DYNC2I2: variants seen among roughly 807,000 people sequenced by gnomAD.
DYNC2I2 encodes dynein 2 intermediate chain 2, also known as cytoplasmic dynein 2 intermediate chain 2.
A neutral mutation model predicts 52.0 loss-of-function variants in DYNC2I2; 39 were observed. That is an observed-to-expected ratio of 0.75 (90% CI 0.58 to 0.98). The LOEUF is 0.98. Ranked by LOEUF, DYNC2I2 falls within the 50% of genes least tolerant of loss-of-function variation. The pLI, the probability that DYNC2I2 is intolerant of heterozygous loss-of-function variation, is 0.00. For synonymous variants in DYNC2I2, 359 were observed against 321.1 expected (o/e 1.12, Z -1.26); for missense variants, 743 against 728.4 (o/e 1.02, Z -0.23).
At chr9:128,683,976 A>C in the DYNC2I2 span, 3 of 1,556,398 alleles carry the variant, frequency 1.9e-6, no homozygotes. Context: ...CGGAGGAGAC[A>C]TCGGCCTCTG....
At chr9:128,659,564 G>A (rs947817022), upstream of DYNC2I2, among the ~76,000 whole-genome samples, 2 of 150,312 alleles carry the variant, frequency 1.3e-5, no homozygotes, top group African/African-American at 2.4e-5. Context: ...CTAAGAGTTC[G>A]AGATCAGCCT....
chr9:128,642,586 C>G (rs1039991203), intron 1 of DYNC2I2, among the ~76,000 whole-genome samples: 1 of 151,414 alleles, frequency 6.6e-6, no homozygotes. Flanking sequence ...CTGGCTAATA[C>G]GGTGAAACCC....
the DYNC2I2 span, chr9:128,663,578 T>A: frequency 6.6e-6 from 1 of 151,946 alleles, no homozygotes; most frequent in Non-Finnish European, 1.5e-5. Context: ...CCTTTTAATC[T>A]GCAAGTAGAT....
upstream of DYNC2I2, among the ~76,000 whole-genome samples, chr9:128,659,661 C>A (rs1316893445): frequency 6.7e-6 from 1 of 150,130 alleles, no homozygotes; most frequent in Non-Finnish European, 1.5e-5. Flanking sequence ...GTAATCCCAG[C>A]ACTTTTGGAG....
At chr9:128,638,515 C>CA (rs34556335) in intron 2 of DYNC2I2, among the ~76,000 whole-genome samples, 5,128 of 135,374 alleles carry the variant, frequency 0.038, 297 homozygotes, top group African/African-American at 0.13. Context: ...GACTCCATCT[C>CA]AAAAAAAAAA....
the DYNC2I2 span, among the ~76,000 whole-genome samples, chr9:128,672,540 C>T: frequency 1.3e-5 from 2 of 151,064 alleles, no homozygotes; most frequent in Admixed American, 1.3e-4. Context: ...ATAATACCAG[C>T]TGTGAGATAA....
At chr9:128,652,565 G>A (rs1435389715) in intron 1 of DYNC2I2, among the ~76,000 whole-genome samples, 1 of 150,162 alleles carries the variant, frequency 6.7e-6, no homozygotes, top group Non-Finnish European at 1.5e-5. Flanking sequence ...GTAGGTTGCA[G>A]TGACCCAAGA....
chr9:128,649,010 AC>A (rs1860674444), intron 1 of DYNC2I2, among the ~76,000 whole-genome samples: 1 of 152,078 alleles, frequency 6.6e-6, no homozygotes, highest in Non-Finnish European at 1.5e-5. Context: ...CAGGAGACTC[AC>A]CCCTGCCCTC....
chr9:128,635,516 G>A, intron 5 of DYNC2I2, 142 bp downstream of exon 5: 2 of 839,578 alleles, frequency 2.4e-6, no homozygotes, highest in Non-Finnish European at 3.7e-6. Flanking sequence ...TCCTGAGGGG[G>A]GTGACTCATG....
chr9:128,680,398 G>C, the DYNC2I2 span, among the ~76,000 whole-genome samples: 1 of 148,888 alleles, frequency 6.7e-6, no homozygotes, highest in Non-Finnish European at 1.5e-5. Context: ...ATTTTTTTGA[G>C]ACGGAGTCTT....
At chr9:128,661,304 CAAAA>C (rs34937317), upstream of DYNC2I2, among the ~76,000 whole-genome samples, 2 of 62,220 alleles carry the variant, frequency 3.2e-5, no homozygotes, top group Admixed American at 2.0e-4. Flanking sequence ...GACTCCATCT[CAAAA>C]AAAAAAAAAA....
At chr9:128,667,825 T>C in the DYNC2I2 span, among the ~76,000 whole-genome samples, 25 of 139,874 alleles carry the variant, frequency 1.8e-4, no homozygotes, top group East Asian at 1.4e-3. Flanking sequence ...CTCTGCCTCC[T>C]GGGTTCAAGC....
chr9:128,655,416 CAGG>C (rs1335468729), intron 1 of DYNC2I2, among the ~76,000 whole-genome samples: 6 of 134,870 alleles, frequency 4.4e-5, no homozygotes, highest in Admixed American at 1.6e-4. Flanking sequence ...GAGGCTGAGG[CAGG>C]AGAATGGCAT....
the DYNC2I2 span, among the ~76,000 whole-genome samples, chr9:128,674,442 C>T: frequency 6.8e-6 from 1 of 146,248 alleles, no homozygotes; most frequent in South Asian, 2.5e-4. Context: ...CCGTCTCTAG[C>T]TAATTTAAAA....
At chr9:128,674,738 G>A in the DYNC2I2 span, among the ~76,000 whole-genome samples, 278 of 152,126 alleles carry the variant, frequency 1.8e-3, 1 homozygote, top group Middle Eastern at 3.4e-3. Context: ...TCGAGACTCC[G>A]TCTCAAAAAA....
At chr9:128,646,126 G>A (rs2132167677) in intron 1 of DYNC2I2, among the ~76,000 whole-genome samples, 1 of 152,364 alleles carries the variant, frequency 6.6e-6, no homozygotes, top group Non-Finnish European at 1.5e-5. Flanking sequence ...TGCTGCTGGA[G>A]AAGCCGGAGC....
the DYNC2I2 span, among the ~76,000 whole-genome samples, chr9:128,679,752 T>TTA: frequency 1.3e-5 from 2 of 151,718 alleles, no homozygotes; most frequent in African/African-American, 2.4e-5. Flanking sequence ...TTTCCAGTGA[T>TTA]TCTCCTGTCT....
chr9:128,680,426 G>T, the DYNC2I2 span, among the ~76,000 whole-genome samples: 1 of 151,916 alleles, frequency 6.6e-6, no homozygotes, highest in African/African-American at 2.4e-5. Context: ...CGCCCAGGCT[G>T]GAGTGCAGTG....
In DYNC2I2 at chr9:128,633,992, G is replaced by T; in HGVS notation, c.1373-10C>A. On this transcript the variant is annotated splice_polypyrimidine_tract_variant and intron_variant, in intron 8 of 8. Transcript: ENST00000372715. ...AACAGCTGCACGTCACCTGCAAAGA[G>T]AGACAGATACGTGGAGTAAGAGAAA... 1 of 1,612,890 alleles carries T rather than the reference G, an allele frequency of 6.2e-7. No homozygotes were observed. Among genetic ancestry groups the T allele is most frequent in the East Asian group, 2.2e-5 (1 of 44,886 alleles).
Sources: allele counts gnomAD v4.1 joint callset (sites outside exome capture counted in the v4.1 genomes callset), GRCh38; gene constraint gnomAD v4.1.1; transcripts MANE v1.5; gene names NCBI Gene and HGNC (gene_info 2026-07-23, HGNC 2026-07-21).